The following DNM1L variants were observed in gnomAD, a reference collection of about 807,000 sequenced individuals.
DNM1L encodes the protein dynamin-1-like protein.
A neutral mutation model predicts 92.8 loss-of-function variants in DNM1L; 33 were observed. The observed-to-expected ratio is 0.36, with a 90% CI of 0.27 to 0.48. The LOEUF (loss-of-function observed/expected upper bound fraction) is 0.48. DNM1L is among the 20% of genes least tolerant of loss of function. The pLI, the probability that DNM1L is intolerant of heterozygous loss-of-function variation, is 0.99. For synonymous variants in DNM1L, 284 were observed against 305.0 expected (o/e 0.93, Z 0.72); for missense variants, 485 against 888.8 (o/e 0.55, Z 5.78).
intron 9 of DNM1L, chr12:32,727,527 T>TG: frequency 1.8e-6 from 1 of 550,894 alleles, no homozygotes; most frequent in Non-Finnish European, 3.2e-6. Flanking sequence ...TCTCTGAAAA[T>TG]GGAAAAAAAA....
Position 32,744,153 on chromosome 12 carries a change from G to A in DNM1L, c.*743G>A, listed in dbSNP as rs1427306611. On this transcript the variant is annotated 3_prime_UTR_variant, in exon 20 of 20. Transcript: ENST00000549701. ...ACAGCCATCTACCCTTGATTATCTA[G>A]AAAGACTTGGTAATGATGGTCAGTT... 6.6e-6 allele frequency: 1 copy of A among 152,204 alleles called. No homozygotes were observed. The highest frequency in any genetic ancestry group is 2.4e-5 in the African/African-American group (1 of 41,432). 9.4% of individuals were successfully genotyped at this position (152,204 alleles called of 1,614,324 possible).
At position 32,679,630 on chromosome 12, in the gene DNM1L, C is replaced by T. The variant is rs1951725999; in HGVS notation, c.102+165C>T. Reference sequence around the variant, plus strand: ...CCCCAGGGCTCTCCGGGCTCTGCCGCACCCGCCCTCCCGGGGCAGCGTTGC... The same window carrying T: ...CCCCAGGGCTCTCCGGGCTCTGCCGTACCCGCCCTCCCGGGGCAGCGTTGC... On this transcript the variant is annotated intron_variant, in intron 1 of 19. Coordinates refer to ENST00000549701, the MANE Select transcript of DNM1L (RefSeq NM_012062.5). 6.7e-6 allele frequency: 9 copies of T among 1,334,376 alleles called. No homozygotes were observed. The South Asian group carries it at 1.7e-4, about 25-fold the overall frequency. The allele number at this position is 1,334,376 out of a possible 1,614,324, so 82.7% of individuals were successfully genotyped here. A position where few individuals can be genotyped will look rare whatever the true frequency, so the allele number is the denominator to read the frequency against.
chr12:32,698,906 A>G lies in DNM1L; in HGVS notation c.103-2509A>G, dbSNP rs568453332. Among the ~76,000 whole-genome samples, 198 of 152,064 alleles carry G rather than the reference A, an allele frequency of 1.3e-3. 2 individuals are homozygous for G. Among genetic ancestry groups the G allele is most frequent in the African/African-American group, 4.6e-3 (192 of 41,454 alleles). On this transcript the variant is annotated intron_variant, in intron 1 of 19. Coordinates refer to ENST00000549701, the MANE Select transcript of DNM1L (RefSeq NM_012062.5). ...GTGGCTGGCTCCTGGAATCCTAGCT[A>G]CTCGGGAGGCAGAGGTGGCCTGAGG... is the stretch of plus-strand genomic sequence containing the variant.
intron 1 of DNM1L, among the ~76,000 whole-genome samples, chr12:32,694,980 T>C (rs564353954): frequency 6.6e-6 from 1 of 152,200 alleles, no homozygotes; most frequent in South Asian, 2.1e-4. Context: ...GGACTAGCGC[T>C]CCTTCATGAA....
chr12:32,743,139 C>T (rs549075542), intron 19 of DNM1L, among the ~76,000 whole-genome samples: 3 of 152,030 alleles, frequency 2.0e-5, no homozygotes, highest in African/African-American at 4.8e-5. Context: ...TCATGATCCG[C>T]CCGCCTCGAC....
chr12:32,723,488 G>A (rs972757831), intron 9 of DNM1L, among the ~76,000 whole-genome samples: 5 of 152,040 alleles, frequency 3.3e-5, no homozygotes, highest in Non-Finnish European at 7.4e-5. Context: ...CCTGACATCA[G>A]TTCAAGACCA....
At position 32,722,643 on chromosome 12, in the gene DNM1L, A is replaced by G. The variant is rs7137182; in HGVS notation, c.1079+10A>G. The G allele has an allele frequency of 4.4e-4, 708 of 1,606,678 alleles. 5 individuals carry two copies. The African/African-American group carries it at 8.1e-3, about 18-fold the overall frequency. On this transcript the variant is annotated intron_variant, in intron 9 of 19. Transcript: ENST00000549701. ...TTGAAACTTCGGAGCTGTAAGTAAG[A>G]AATTTTTCTGTAGATTTGGTTACCT...
chr12:32,732,430 A>G (rs2137530930), intron 12 of DNM1L: 1 of 444,954 alleles, frequency 2.2e-6, no homozygotes. Flanking sequence ...CACACAAATA[A>G]AAATGCTGAA....
rs1264285868 is a variant in DNM1L at position 32,727,619 on chromosome 12, T to C, written c.1080-3395T>C. Reference sequence around the variant, plus strand: ...CATTTTTGTATGCATCTACAACACATAGATGCCTATACTACATGTCTTTAA... The same window carrying C: ...CATTTTTGTATGCATCTACAACACACAGATGCCTATACTACATGTCTTTAA... On this transcript the variant is annotated intron_variant, in intron 9 of 19. Transcript: ENST00000549701. 1.2e-5 allele frequency: 5 copies of C among 413,928 alleles called. No homozygotes were observed. In the East Asian group the frequency reaches 1.3e-4, roughly 11 times the overall value. The allele number at this position is 413,928 out of a possible 1,614,324, so 25.6% of individuals were successfully genotyped here. A position where few individuals can be genotyped will look rare whatever the true frequency, so the allele number is the denominator to read the frequency against.
chr12:32,679,603 G>C (rs1009004153), intron 1 of DNM1L, 138 bp downstream of exon 1: 41 of 1,387,114 alleles, frequency 3.0e-5, no homozygotes, highest in Middle Eastern at 5.2e-4. Flanking sequence ...CCTTGCTGGG[G>C]GCCCCAGGGC....
rs1955576842 is a variant in DNM1L, at chr12:32,745,248, G to C, written c.*1838G>C. 4 of 250,514 alleles carry C rather than the reference G, an allele frequency of 1.6e-5. No homozygotes were observed. Among genetic ancestry groups the C allele is most frequent in the African/African-American group, 7.0e-5 (3 of 42,842 alleles). The allele number at this position is 250,514 out of a possible 1,614,324, so 15.5% of individuals were successfully genotyped here. ...CATTCATGATTTACTTTTTCCAGAT[G>C]ACTATCATTATTCTAGTCCTTTGAA... On this transcript the variant is annotated 3_prime_UTR_variant, in exon 20 of 20. Transcript: ENST00000549701.
intron 4 of DNM1L, among the ~76,000 whole-genome samples, chr12:32,709,230 G>GGGTTGAAAAAGTGGCCAGAAACTA (rs1241385248): frequency 2.0e-5 from 3 of 152,046 alleles, no homozygotes; most frequent in African/African-American, 7.2e-5. Flanking sequence ...TGTATAGAAC[G>GGGTTGAAAAAGTGGCCAGAAACTA]GGTTGAAAAA....
intron 1 of DNM1L, among the ~76,000 whole-genome samples, chr12:32,693,138 C>G (rs1247411998): frequency 6.6e-6 from 1 of 152,082 alleles, no homozygotes; most frequent in Non-Finnish European, 1.5e-5. Context: ...ATTTACATTC[C>G]CATCAACAGA....
intron 14 of DNM1L, 185 bp from the exon 15 acceptor site, chr12:32,737,680 A>C (rs1954987694): frequency 1.7e-6 from 1 of 584,860 alleles, no homozygotes; most frequent in Non-Finnish European, 3.0e-6. Flanking sequence ...CATCTGAAGG[A>C]AACTTTTAAC....
chr12:32,698,388 C>T (rs1952558390), intron 1 of DNM1L, among the ~76,000 whole-genome samples: 1 of 152,200 alleles, frequency 6.6e-6, no homozygotes, highest in East Asian at 1.9e-4. Flanking sequence ...GGCTGGCTGG[C>T]TGTGTCACTC....
intron 6 of DNM1L, among the ~76,000 whole-genome samples, chr12:32,717,327 A>T (rs560219900): frequency 7.1e-5 from 5 of 70,640 alleles, no homozygotes; most frequent in African/African-American, 3.3e-4. Context: ...TATACACTAT[A>T]TATTTTATAT....
intron 1 of DNM1L, among the ~76,000 whole-genome samples, chr12:32,689,709 A>G (rs1009978066): frequency 6.6e-6 from 1 of 152,238 alleles, no homozygotes; most frequent in African/African-American, 2.4e-5. Context: ...AAAACTTAGA[A>G]GTTGAATAAG....
intron 5 of DNM1L, 101 bp downstream of exon 5, chr12:32,711,116 A>ATCAAAT: frequency 1.9e-6 from 2 of 1,041,798 alleles, no homozygotes; most frequent in Non-Finnish European, 3.0e-6. Context: ...TTGATCTGTT[A>ATCAAAT]GCAGCATTTG....
intron 2 of DNM1L, among the ~76,000 whole-genome samples, chr12:32,701,947 C>T (rs1418951649): frequency 6.7e-6 from 1 of 149,998 alleles, no homozygotes; most frequent in East Asian, 2.1e-4. Flanking sequence ...AGGCTGGTCT[C>T]GAACTCCTGA....
Sources: gnomAD v4.1 joint callset for allele counts (sites outside exome capture counted in the v4.1 genomes callset) on GRCh38, gnomAD v4.1.1 for gene constraint, MANE v1.5 for transcripts, NCBI Gene and HGNC (gene_info 2026-07-23, HGNC 2026-07-21) for gene names.